Variants in HYDIN observed in about 807,000 individuals in gnomAD.
HYDIN encodes the protein axonemal central pair apparatus protein HYDIN.
A neutral mutation model predicts 403.9 loss-of-function variants in HYDIN; 132 were observed. That is an observed-to-expected ratio of 0.33 (90% CI 0.28 to 0.38). HYDIN has a LOEUF of 0.38. HYDIN is among the 10% of genes least tolerant of loss of function. HYDIN has a pLI of 1.00. For missense variants in HYDIN, 2,827 were observed against 5,009.5 expected (o/e 0.56, Z 13.15); for synonymous variants, 1,202 against 1,891.7 (o/e 0.64, Z 9.46).
chr16:70,976,560 A>G (rs1278578103), intron 30 of HYDIN, among the ~76,000 whole-genome samples: 3 of 151,010 alleles, frequency 2.0e-5, no homozygotes, highest in Non-Finnish European at 4.4e-5. Flanking sequence ...AAATCTGAAT[A>G]AGCTCTGTGG....
At chr16:71,217,923 T>C (rs1214932678) in intron 1 of HYDIN, among the ~76,000 whole-genome samples, 1 of 152,162 alleles carries the variant, frequency 6.6e-6, no homozygotes, top group African/African-American at 2.4e-5. Context: ...GGGTGCTGAA[T>C]CGTTGTTGAA....
At position 70,832,885 on chromosome 16, in the gene HYDIN, A is replaced by G; in HGVS notation, c.13862T>C (p.Leu4621Pro). Residue 4621 changes from leucine (L) to proline (P), a missense_variant, in exon 80 of 86, where the codon CTG (leucine) becomes CCG (proline). Physicochemically the swap from Leu to Pro is moderately conservative, Grantham distance 98. Coordinates refer to ENST00000393567, the MANE Select transcript of HYDIN (RefSeq NM_001270974.2). ...AGGTGGTCCCACGCAGACTCCAGAC[A>G]GGGTTAGACTCAGAGGACTGCCTCC... ...IQGGSPLSLTLSGVCVGPPAV... is the reference protein window; with the variant it reads ...IQGGSPLSLTPSGVCVGPPAV... 1.2e-5 allele frequency: 19 copies of G among 1,613,922 alleles called. No homozygotes were observed. Among genetic ancestry groups the G allele is most frequent in the Non-Finnish European group, 1.6e-5 (19 of 1,179,854 alleles).
chr16:71,040,915 C>T (rs1293716882), intron 18 of HYDIN, among the ~76,000 whole-genome samples: 6 of 139,848 alleles, frequency 4.3e-5, no homozygotes, highest in African/African-American at 1.1e-4. Context: ...TCAAATGTTC[C>T]GACCCACGAA....
rs1248778232 is a variant in HYDIN, at chr16:70,833,336, A to C, written c.13680-269T>G. ...GCATCTTATTATCCACGAGTGACACATCAGGGAACATATGTATGAACACAC... is the reference window on the plus strand; with the variant it reads ...GCATCTTATTATCCACGAGTGACACCTCAGGGAACATATGTATGAACACAC... On this transcript the variant is annotated intron_variant, in intron 79 of 85. Coordinates refer to ENST00000393567, the MANE Select transcript of HYDIN (RefSeq NM_001270974.2). Among the ~76,000 whole-genome samples the C allele has an allele frequency of 3.5e-5, 5 of 143,588 alleles. No individual in the cohort carries two copies. The East Asian group carries it at 1.0e-3, about 29-fold the overall frequency. The allele number at this position is 143,588 out of a possible 152,430, so 94.2% of individuals were successfully genotyped here.
intron 12 of HYDIN, chr16:71,080,836 A>AT (rs1379008891): frequency 6.7e-6 from 1 of 149,692 alleles, no homozygotes; most frequent in Admixed American, 6.7e-5. Context: ...CACAAGGGTG[A>AT]TTTTAAAAAT....
intron 25 of HYDIN, among the ~76,000 whole-genome samples, chr16:70,990,394 C>CA (rs72381537): frequency 0.016 from 136 of 8,692 alleles, 54 homozygotes; most frequent in South Asian, 0.042. Flanking sequence ...GACTCTGCCT[C>CA]AAAAAAAAAA....
At chr16:70,982,623 G>A (rs551819258) in intron 28 of HYDIN, among the ~76,000 whole-genome samples, 7 of 140,756 alleles carry the variant, frequency 5.0e-5, no homozygotes, top group African/African-American at 1.7e-4. Flanking sequence ...AGTGTTTTTC[G>A]TCTTCCTTTT....
intron 23 of HYDIN, among the ~76,000 whole-genome samples, chr16:70,998,652 G>T: frequency 7.4e-6 from 1 of 135,632 alleles, no homozygotes; most frequent in South Asian, 2.4e-4. Context: ...TCCTTCCTCT[G>T]ACTCTACACA....
chr16:70,821,197 AT>A (rs2036237386), intron 83 of HYDIN, among the ~76,000 whole-genome samples: 1 of 152,272 alleles, frequency 6.6e-6, no homozygotes, highest in Non-Finnish European at 1.5e-5. Flanking sequence ...TATATTTGTT[AT>A]AAACTGTCAG....
intron 25 of HYDIN, among the ~76,000 whole-genome samples, chr16:70,989,186 C>T (rs1310186387): frequency 6.6e-6 from 1 of 152,158 alleles, no homozygotes; most frequent in Non-Finnish European, 1.5e-5. Flanking sequence ...ACCTCAGCCT[C>T]CCTAAAGTAG....
In HYDIN at chr16:70,955,447, G is replaced by A. The variant is rs1234568288; in HGVS notation, c.6244C>T (p.Pro2082Ser). The A allele has an allele frequency of 6.2e-7, 1 of 1,613,964 alleles. No individual in the cohort carries two copies. Among genetic ancestry groups the A allele is most frequent in the Non-Finnish European group, 8.5e-7 (1 of 1,179,994 alleles). Residue 2082 changes from proline (P) to serine (S), a missense_variant, in exon 40 of 86, where the codon CCA (proline) becomes TCA (serine). Coordinates refer to ENST00000393567, the MANE Select transcript of HYDIN (RefSeq NM_001270974.2). ...CAGAGCTCACGGGCCCGGATCCCTG[G>A]GATGTTGTTGCTGTTGGCCACAGCT... The part of the protein sequence containing the change: ...LEAVANSNNI[P>S]GIRARELCIR...
At chr16:71,129,588 C>T in intron 9 of HYDIN, 52 bp downstream of exon 9, 4 of 1,506,318 alleles carry the variant, frequency 2.7e-6, no homozygotes, top group South Asian at 1.3e-5. Context: ...CAAAGCAAGC[C>T]TGTGCTCCCA....
intron 77 of HYDIN, 76 bp downstream of exon 77, chr16:70,837,614 G>C: frequency 6.5e-7 from 1 of 1,537,430 alleles, no homozygotes; most frequent in Non-Finnish European, 8.9e-7. Context: ...GGGTGAAGGG[G>C]TTCTGGGGGG....
At chr16:71,085,493 T>G (rs1408386014) in intron 12 of HYDIN, among the ~76,000 whole-genome samples, 1 of 150,836 alleles carries the variant, frequency 6.6e-6, no homozygotes, top group African/African-American at 2.4e-5. Context: ...TGGTTTATAG[T>G]GTTCAACTCT....
chr16:70,906,864 T>A (rs2076551651), intron 50 of HYDIN, among the ~76,000 whole-genome samples: 1 of 152,236 alleles, frequency 6.6e-6, no homozygotes. Context: ...AACACTGGTC[T>A]TTTTGGTTTC....
chr16:70,841,054 A>G (rs1000670169), intron 75 of HYDIN, among the ~76,000 whole-genome samples: 31 of 152,052 alleles, frequency 2.0e-4, no homozygotes, highest in African/African-American at 7.5e-4. Context: ...CATTCATTTT[A>G]AACATTATTA....
intron 7 of HYDIN, among the ~76,000 whole-genome samples, chr16:71,143,843 A>C (rs2085263587): frequency 6.6e-6 from 1 of 152,312 alleles, no homozygotes; most frequent in Admixed American, 6.5e-5. Flanking sequence ...GGTTTTAGAA[A>C]GCTTACTAGA....
intron 41 of HYDIN, among the ~76,000 whole-genome samples, chr16:70,950,749 T>C (rs1296919583): frequency 6.6e-6 from 1 of 152,140 alleles, no homozygotes; most frequent in Non-Finnish European, 1.5e-5. Flanking sequence ...TATAACGAGA[T>C]CCACCCTTAA....
chr16:71,048,821 A>C (rs1395537663), intron 18 of HYDIN, among the ~76,000 whole-genome samples: 1 of 152,232 alleles, frequency 6.6e-6, no homozygotes, highest in African/African-American at 2.4e-5. Context: ...CCCACGACAC[A>C]TAATTTTCCT....
Sources: gnomAD v4.1 joint callset for allele counts (sites outside exome capture counted in the v4.1 genomes callset) on GRCh38, gnomAD v4.1.1 for gene constraint, MANE v1.5 for transcripts, NCBI Gene and HGNC (gene_info 2026-07-23, HGNC 2026-07-21) for gene names.